THSD7A: variants seen among roughly 807,000 people sequenced by gnomAD.
THSD7A encodes thrombospondin type-1 domain-containing protein 7A.
Under a neutral mutation model 231.3 loss-of-function variants are expected in THSD7A, and 96 were observed. The ratio of observed to expected loss-of-function variants is 0.41; its 90% CI spans 0.35 to 0.49. The LOEUF (loss-of-function observed/expected upper bound fraction) is 0.49, where lower values mean the gene tolerates loss of function less well. Ranked by LOEUF, THSD7A falls within the 20% of genes least tolerant of loss-of-function variation. THSD7A has a pLI of 0.05. For synonymous variants in THSD7A, 940 were observed against 743.3 expected, an observed-to-expected ratio of 1.26 and a Z score of -4.30; for missense variants, 2,290 against 2,070.2, an observed-to-expected ratio of 1.11 and a Z score of -2.06.
At chr7:11,630,658 A>G (rs974040007) in intron 2 of THSD7A, among the ~76,000 whole-genome samples, 5 of 152,106 alleles carry the variant, frequency 3.3e-5, no homozygotes, top group Admixed American at 3.3e-4. Flanking sequence ...AATTTCCCAC[A>G]CTTTTTGGAA....
intron 22 of THSD7A, among the ~76,000 whole-genome samples, chr7:11,404,946 G>C (rs1783532693): frequency 6.6e-6 from 1 of 152,032 alleles, no homozygotes; most frequent in African/African-American, 2.4e-5. Context: ...CTGCTATTCA[G>C]ATTTTTGGTT....
In THSD7A at chr7:11,636,359, T is replaced by C. The variant is rs745797578; in HGVS notation, c.793A>G (p.Met265Val). The C allele has an allele frequency of 5.6e-6, 9 of 1,613,792 alleles. No homozygotes were observed. Among genetic ancestry groups the C allele is most frequent in the Admixed American group, 3.3e-5 (2 of 60,008 alleles). Reference protein sequence around the residue: ...LHVGPWSTCSMPHSRQVRQAR... With the variant: ...LHVGPWSTCSVPHSRQVRQAR... Reference sequence around the variant, plus strand: ...TGTCTTACTTGTCGGGAGTGGGGCATTGAGCAGGTGCTCCAGGGCCCCACA... The same window carrying C: ...TGTCTTACTTGTCGGGAGTGGGGCACTGAGCAGGTGCTCCAGGGCCCCACA... The change falls in exon 2 of 28, where the codon ATG (methionine) becomes GTG (valine). Residue 265 changes from methionine to valine, a missense_variant. Met to Val is a conservative substitution (Grantham distance 21). Coordinates refer to ENST00000423059, the MANE Select transcript of THSD7A (RefSeq NM_015204.3). The surrounding 1 kb of genome is among the most constrained non-coding windows in gnomAD (Gnocchi z 10.0).
At chr7:11,777,684 T>C (rs1331138963) in intron 1 of THSD7A, among the ~76,000 whole-genome samples, 1 of 152,162 alleles carries the variant, frequency 6.6e-6, no homozygotes, top group Non-Finnish European at 1.5e-5. Flanking sequence ...CTTATAGCAA[T>C]GGATGAGAGG....
At chr7:11,469,326 C>T (rs1470414798) in intron 9 of THSD7A, among the ~76,000 whole-genome samples, 4 of 152,082 alleles carry the variant, frequency 2.6e-5, no homozygotes, top group African/African-American at 7.2e-5. Context: ...TTGATACTAA[C>T]GAGTCTTTGT....
chr7:11,796,179 A>G (rs1251548228), intron 1 of THSD7A, among the ~76,000 whole-genome samples: 1 of 150,432 alleles, frequency 6.6e-6, no homozygotes, highest in Non-Finnish European at 1.5e-5. Flanking sequence ...TTTGAATCAT[A>G]TGAGTTTCAT....
At chr7:11,573,658 G>A (rs950712461) in intron 4 of THSD7A, among the ~76,000 whole-genome samples, 1 of 152,096 alleles carries the variant, frequency 6.6e-6, no homozygotes, top group African/African-American at 2.4e-5. Flanking sequence ...CAATATGTTT[G>A]CTTTCTGATT....
chr7:11,597,178 G>C (rs1322144984), intron 2 of THSD7A, among the ~76,000 whole-genome samples: 1 of 152,170 alleles, frequency 6.6e-6, no homozygotes, highest in Non-Finnish European at 1.5e-5. Flanking sequence ...CTAAAATTCA[G>C]GGACCTTCTA....
chr7:11,634,202 G>T lies in THSD7A; in HGVS notation c.1022+1928C>A, dbSNP rs2128359186. The stretch of plus-strand genomic sequence containing the variant: ...TACTGTAATAAGTCAGAAAATATAT[G>T]CAACTATCAATTTATTGGAAGTTAT... On this transcript the variant is annotated intron_variant, in intron 2 of 27. Transcript: ENST00000423059. This position sits in a 1 kb window ranked among gnomAD's most constrained non-coding sequence, Gnocchi z 4.1. 6.6e-6 allele frequency among the ~76,000 whole-genome samples: 1 copy of T among 152,126 alleles called. No homozygotes were observed. Among genetic ancestry groups the T allele is most frequent in the South Asian group, 2.1e-4 (1 of 4,824 alleles).
chr7:11,548,954 T>C (rs539375671), intron 4 of THSD7A, among the ~76,000 whole-genome samples: 1 of 151,812 alleles, frequency 6.6e-6, no homozygotes, highest in African/African-American at 2.4e-5. Flanking sequence ...GAATACCCAC[T>C]TGAGTGAACA....
At chr7:11,799,305 C>CAAATAAGTGCTTTATCTTCCAGTGGAG (rs1784214895) in intron 1 of THSD7A, among the ~76,000 whole-genome samples, 1 of 152,152 alleles carries the variant, frequency 6.6e-6, no homozygotes, top group African/African-American at 2.4e-5. Context: ...CGGATTGGCA[C>CAAATAAGTGCTTTATCTTCCAGTGGAG]AAATAAGTGC....
chr7:11,767,372 G>C (rs1783062381), intron 1 of THSD7A, among the ~76,000 whole-genome samples: 1 of 152,040 alleles, frequency 6.6e-6, no homozygotes, highest in Non-Finnish European at 1.5e-5. Context: ...CTTTCCTCCA[G>C]TCACATCAGC....
intron 1 of THSD7A, among the ~76,000 whole-genome samples, chr7:11,713,013 T>G (rs1184093407): frequency 6.6e-6 from 1 of 151,154 alleles, no homozygotes; most frequent in Non-Finnish European, 1.5e-5. Context: ...ATGACTCTGA[T>G]GAATTTTGCA....
chr7:11,782,204 T>C (rs527701988), intron 1 of THSD7A, among the ~76,000 whole-genome samples: 1 of 152,250 alleles, frequency 6.6e-6, no homozygotes, highest in East Asian at 1.9e-4. Flanking sequence ...TACCTAAGAA[T>C]GGAATATAAA....
Position 11,403,712 on chromosome 7 carries a change from G to A in THSD7A, c.4238-1744C>T, listed in dbSNP as rs1783488399. On this transcript the variant is annotated intron_variant, in intron 22 of 27. Coordinates refer to ENST00000423059, the MANE Select transcript of THSD7A (RefSeq NM_015204.3). ...AAATGTAATAAATCTTTTAATGATAGTCTGTGAGTTATGTAATTTTCGCCC... is the reference window on the plus strand; with the variant it reads ...AAATGTAATAAATCTTTTAATGATAATCTGTGAGTTATGTAATTTTCGCCC... Among the ~76,000 whole-genome samples, 3 of 152,186 alleles carry A rather than the reference G, an allele frequency of 2.0e-5. 1 individual carries two copies. Among genetic ancestry groups the A allele is most frequent in the South Asian group, 4.1e-4 (2 of 4,834 alleles).
chr7:11,402,501 GCTCA>G (rs759394768), intron 22 of THSD7A, among the ~76,000 whole-genome samples: 7 of 152,224 alleles, frequency 4.6e-5, no homozygotes, highest in African/African-American at 7.2e-5. Context: ...TGGAAATAAT[GCTCA>G]CTATTTCCTC....
chr7:11,653,636 C>CT (rs1179828065), intron 1 of THSD7A, among the ~76,000 whole-genome samples: 7 of 151,856 alleles, frequency 4.6e-5, no homozygotes, highest in African/African-American at 9.7e-5. Context: ...GCTGGAACTA[C>CT]AGGCATGTGT....
intron 1 of THSD7A, among the ~76,000 whole-genome samples, chr7:11,733,932 T>C (rs1234480104): frequency 1.3e-5 from 2 of 151,814 alleles, no homozygotes; most frequent in African/African-American, 4.8e-5. Context: ...CTATATTACC[T>C]TCCTTCTTTT....
intron 4 of THSD7A, among the ~76,000 whole-genome samples, chr7:11,573,031 T>C (rs11766195): frequency 0.3 from 46,020 of 152,020 alleles, 7,071 homozygotes; most frequent in South Asian, 0.42. Flanking sequence ...TCTTTTCAGG[T>C]TTGATTTTAT....
chr7:11,445,986 T>C, intron 13 of THSD7A, 75 bp downstream of exon 13: 1 of 1,554,972 alleles, frequency 6.4e-7, no homozygotes, highest in Middle Eastern at 1.7e-4. Context: ...TCACTTCCAT[T>C]CCACTATGAT....
Sources: allele counts gnomAD v4.1 joint callset (sites outside exome capture counted in the v4.1 genomes callset), GRCh38; gene constraint gnomAD v4.1.1; non-coding constraint Gnocchi (gnomAD v3.1); transcripts MANE v1.5; gene names NCBI Gene and HGNC (gene_info 2026-07-23, HGNC 2026-07-21).